CCDC125: variants seen among roughly 807,000 people sequenced by gnomAD.
The protein encoded by CCDC125 is coiled-coil domain containing 125, also known as coiled-coil domain-containing protein 125.
A neutral mutation model predicts 57.4 loss-of-function variants in CCDC125; 43 were observed. The ratio of observed to expected loss-of-function variants is 0.75; its 90% CI spans 0.59 to 0.97. The LOEUF is 0.97. CCDC125 is among the 50% of genes least tolerant of loss of function. The pLI is 0.00. For missense variants in CCDC125, 563 were observed against 595.7 expected, an observed-to-expected ratio of 0.95 and a Z score of 0.57; for synonymous variants, 187 against 195.2, an observed-to-expected ratio of 0.96 and a Z score of 0.35.
chr5:69,295,545 T>C (rs1755166631), intron 8 of CCDC125, among the ~76,000 whole-genome samples: 1 of 151,926 alleles, frequency 6.6e-6, no homozygotes, highest in Non-Finnish European at 1.5e-5. Flanking sequence ...TCTTCCTCGT[T>C]GCTCTTGTTC....
chr5:69,297,776 C>G (rs1478465491), intron 8 of CCDC125, among the ~76,000 whole-genome samples: 2 of 151,072 alleles, frequency 1.3e-5, no homozygotes, highest in African/African-American at 4.9e-5. Flanking sequence ...CCAGCCTGGG[C>G]AACATGAGAC....
At chr5:69,291,954 G>A (rs1046567579) in intron 10 of CCDC125, among the ~76,000 whole-genome samples, 1 of 152,104 alleles carries the variant, frequency 6.6e-6, no homozygotes, top group Admixed American at 6.6e-5. Context: ...AAGAGTACTA[G>A]AAAATAAATA....
At chr5:69,327,059 G>A (rs1057139052) in intron 1 of CCDC125, among the ~76,000 whole-genome samples, 1 of 150,438 alleles carries the variant, frequency 6.6e-6, no homozygotes, top group Non-Finnish European at 1.5e-5. Context: ...AAAATAAAAT[G>A]TAACTTCAGG....
At chr5:69,314,514 A>C (rs1390374772) in intron 2 of CCDC125, among the ~76,000 whole-genome samples, 1 of 152,180 alleles carries the variant, frequency 6.6e-6, no homozygotes, top group African/African-American at 2.4e-5. Flanking sequence ...AGGAGTGTAA[A>C]ACATTTCACA....
At chr5:69,313,893 G>A in intron 3 of CCDC125, 92 bp downstream of exon 3, 1 of 958,090 alleles carries the variant, frequency 1.0e-6, no homozygotes, top group Non-Finnish European at 1.7e-6. Context: ...GCAAAAAGGA[G>A]AGGGCATGGA....
chr5:69,317,709 C>T (rs11740274), intron 2 of CCDC125, among the ~76,000 whole-genome samples: 1 of 152,130 alleles, frequency 6.6e-6, no homozygotes, highest in African/African-American at 2.4e-5. Context: ...AAATACGATG[C>T]TAAATTTTAT....
chr5:69,292,356 T>A lies in CCDC125; in HGVS notation c.931A>T (p.Ile311Phe), dbSNP rs760276354. The A allele has an allele frequency of 1.2e-6, 2 of 1,610,602 alleles. No homozygotes were observed. Among genetic ancestry groups the A allele is most frequent in the Admixed American group, 1.7e-5 (1 of 59,354 alleles). The part of the protein sequence containing the change: ...LLLQLKQELE[I>F]LQKSKEEAYV... ...GCTTCTTCTTTACTCTTCTGCAAAA[T>A]TTCCAACTGATTTTGAAAGACAGTT... Residue 311 changes from isoleucine to phenylalanine, a missense_variant, in exon 10 of 12, where the codon ATT (isoleucine) becomes TTT (phenylalanine). By Grantham distance (21) the Ile-to-Phe change is conservative. Coordinates refer to ENST00000396496, the MANE Select transcript of CCDC125 (RefSeq NM_176816.5).
downstream of CCDC125, among the ~76,000 whole-genome samples, chr5:69,278,056 A>G (rs1752292485): frequency 6.6e-6 from 1 of 151,870 alleles, no homozygotes; most frequent in Non-Finnish European, 1.5e-5. Context: ...TTTTTTTTAT[A>G]TTTTTAGTAG....
At chr5:69,318,438 T>C (rs1759477993) in intron 2 of CCDC125, among the ~76,000 whole-genome samples, 2 of 151,512 alleles carry the variant, frequency 1.3e-5, no homozygotes, top group South Asian at 4.2e-4. Context: ...ACAGTGAGAC[T>C]GTCTCTTTTT....
At chr5:69,273,903 G>GGATA in the CCDC125 span, among the ~76,000 whole-genome samples, 1 of 152,130 alleles carries the variant, frequency 6.6e-6, no homozygotes, top group Non-Finnish European at 1.5e-5. Flanking sequence ...ATGGATGGAA[G>GGATA]GATAGATAGA....
In CCDC125 at chr5:69,289,310, A is replaced by G. The variant is rs7720249; in HGVS notation, c.1099+2878T>C. On this transcript the variant is annotated intron_variant, in intron 10 of 11. Coordinates refer to ENST00000396496, the MANE Select transcript of CCDC125 (RefSeq NM_176816.5). ...TCCTCAAAGAGGATTTTACAATCCA[A>G]CTGCTATTAAGGGCTTAGCTGAGAG... Among the ~76,000 whole-genome samples the G allele has an allele frequency of 0.017, 2,647 of 152,350 alleles. 143 individuals carry two copies. In the East Asian group the frequency reaches 0.21, roughly 12 times the overall value.
intron 6 of CCDC125, among the ~76,000 whole-genome samples, chr5:69,305,923 T>C (rs574562749): frequency 7.7e-4 from 118 of 152,280 alleles, no homozygotes; most frequent in Non-Finnish European, 1.4e-3. Flanking sequence ...CACGATAGGA[T>C]TGTGTGAGCC....
At chr5:69,331,267 C>CT (rs1761382458) in intron 1 of CCDC125, among the ~76,000 whole-genome samples, 1 of 151,846 alleles carries the variant, frequency 6.6e-6, no homozygotes, top group Non-Finnish European at 1.5e-5. Flanking sequence ...GCACTATTGT[C>CT]TGTCACCCAC....
intron 1 of CCDC125, among the ~76,000 whole-genome samples, chr5:69,324,617 T>A (rs1216084058): frequency 6.6e-6 from 1 of 152,218 alleles, no homozygotes; most frequent in Non-Finnish European, 1.5e-5. Context: ...TACAACAGAA[T>A]ATATTTGTCA....
At chr5:69,324,491 C>A (rs1387305352) in intron 1 of CCDC125, among the ~76,000 whole-genome samples, 3 of 152,202 alleles carry the variant, frequency 2.0e-5, no homozygotes, top group Non-Finnish European at 4.4e-5. Context: ...AGAAACAGAA[C>A]CCCATGTCCG....
At chr5:69,277,345 A>G (rs1195685950), downstream of CCDC125, 1 of 420,120 alleles carries the variant, frequency 2.4e-6, no homozygotes, top group Non-Finnish European at 4.3e-6. Flanking sequence ...AAAAGTGAGA[A>G]AAGTTCAATA....
chr5:69,286,220 ATATAT>A (rs1753375222), intron 10 of CCDC125, among the ~76,000 whole-genome samples: 9 of 121,540 alleles, frequency 7.4e-5, no homozygotes, highest in African/African-American at 2.8e-4. Context: ...ATATATATAT[ATATAT>A]ATATATATAA....
intron 11 of CCDC125, among the ~76,000 whole-genome samples, chr5:69,284,607 G>T (rs13362324): frequency 0.33 from 50,247 of 151,956 alleles, 9,403 homozygotes; most frequent in Non-Finnish European, 0.43. Flanking sequence ...AGCTGAGGGA[G>T]ATAAAGATCA....
At chr5:69,299,635 G>T (rs1756036808) in intron 8 of CCDC125, among the ~76,000 whole-genome samples, 1 of 152,162 alleles carries the variant, frequency 6.6e-6, no homozygotes, top group African/African-American at 2.4e-5. Context: ...CTCTAAAATG[G>T]GGATAATATC....
Sources: allele counts gnomAD v4.1 joint callset (sites outside exome capture counted in the v4.1 genomes callset), GRCh38; gene constraint gnomAD v4.1.1; transcripts MANE v1.5; gene names NCBI Gene and HGNC (gene_info 2026-07-23, HGNC 2026-07-21).